ANTXRL: variants seen among roughly 807,000 people sequenced by gnomAD.
ANTXRL encodes the protein ANTXR like.
A neutral mutation model predicts 75.4 loss-of-function variants in ANTXRL; 63 were observed. The observed-to-expected ratio is 0.84, with a 90% CI of 0.68 to 1.03. ANTXRL has a LOEUF of 1.03. ANTXRL is among the 50% of genes least tolerant of loss of function. The pLI is 0.00. For synonymous variants in ANTXRL, 335 were observed against 291.3 expected (o/e 1.15, Z -1.53); for missense variants, 797 against 789.4 (o/e 1.01, Z -0.12).
chr10:46,326,637 G>A (rs1196405854), intron 16 of ANTXRL, among the ~76,000 whole-genome samples: 1 of 152,110 alleles, frequency 6.6e-6, no homozygotes, highest in Non-Finnish European at 1.5e-5. Flanking sequence ...TGGTGCCCAG[G>A]AGGAGTGAGG....
chr10:46,307,438 A>C lies in ANTXRL; in HGVS notation c.1002A>C (p.Lys334Asn). Residue 334 changes from lysine (K) to asparagine (N), a missense_variant, in exon 12 of 17, where the codon AAA becomes AAC. Physicochemically the swap from Lys to Asn is moderately conservative, Grantham distance 94. Around this residue, in one of 3 missense-constraint regions of ANTXRL, gnomAD observed 479 missense variants for 422.0 expected, o/e 1.14. Coordinates refer to ENST00000620264, the MANE Select transcript of ANTXRL (RefSeq NM_001278688.3). ...TTGAAGTCAGCTTGAACAAAGGCAA[A>C]ACATTCTTCAAGAGCAATGTCAGCA... ...YSIEVSLNKG[K>N]TFFKSNVSIT... 1.3e-6 allele frequency: 2 copies of C among 1,536,310 alleles called. No homozygotes were observed. The highest frequency in any genetic ancestry group is 1.7e-6 in the Non-Finnish European group (2 of 1,146,800).
rs185515438 is a variant in ANTXRL, at chr10:46,294,675, G to T, written c.392+775G>T. On this transcript the variant is annotated intron_variant, in intron 3 of 16. Coordinates refer to ENST00000620264, the MANE Select transcript of ANTXRL (RefSeq NM_001278688.3). ...TGTCCTGCGCTGTGGGTTTGTCAGA[G>T]AGACTGGGTGGGTGTGAGGTGGTAA... Among the ~76,000 whole-genome samples, 494 of 152,262 alleles carry T rather than the reference G, an allele frequency of 3.2e-3. 2 individuals are homozygous for T. The highest frequency in any genetic ancestry group is 0.011 in the African/African-American group (461 of 41,514).
intron 3 of ANTXRL, 198 bp downstream of exon 3, chr10:46,294,098 T>G (rs782511100): frequency 1.4e-5 from 8 of 577,416 alleles, no homozygotes; most frequent in Non-Finnish European, 1.8e-5. Flanking sequence ...CAAGGTTACC[T>G]GCAGGCCCCT....
Position 46,299,845 on chromosome 10 carries a change from C to T in ANTXRL, c.796+1783C>T, listed in dbSNP as rs1405913302. Reference sequence around the variant, plus strand: ...AGCTGGCAGGTCCCTGAAACAGGAGCTACGCTGACACTTCCATGATTGGTC... The same window carrying T: ...AGCTGGCAGGTCCCTGAAACAGGAGTTACGCTGACACTTCCATGATTGGTC... On this transcript the variant is annotated intron_variant, in intron 9 of 16. Transcript: ENST00000620264. Among the ~76,000 whole-genome samples, 5 of 152,174 alleles carry T rather than the reference C, an allele frequency of 3.3e-5. 1 individual carries two copies. The highest frequency in any genetic ancestry group is 4.8e-5 in the African/African-American group (2 of 41,430).
chr10:46,299,484 G>A lies in ANTXRL; in HGVS notation c.796+1422G>A, dbSNP rs148973420. Among the ~76,000 whole-genome samples the A allele has an allele frequency of 3.6e-3, 549 of 151,894 alleles. 8 individuals carry two copies. Among genetic ancestry groups the A allele is most frequent in the African/African-American group, 0.013 (524 of 41,378 alleles). ...GTGTAGGCTGGGGGTCTGCATGGCC[G>A]GCAGTTGCACAACTGCGGCTGCTGG... On this transcript the variant is annotated intron_variant, in intron 9 of 16. Transcript: ENST00000620264.
chr10:46,325,562 C>A (rs1839174032), intron 16 of ANTXRL, among the ~76,000 whole-genome samples: 1 of 152,122 alleles, frequency 6.6e-6, no homozygotes. Flanking sequence ...CTGCCAAGTT[C>A]AGGACGGAGC....
At chr10:46,324,119 A>G (rs1041039619) in intron 16 of ANTXRL, among the ~76,000 whole-genome samples, 4 of 152,162 alleles carry the variant, frequency 2.6e-5, no homozygotes, top group Non-Finnish European at 5.9e-5. Context: ...GAGTTGCTAT[A>G]GAAGGTAAAT....
Position 46,287,179 on chromosome 10 carries a change from G to A in ANTXRL, c.-84G>A. 6.8e-7 allele frequency: 1 copy of A among 1,472,888 alleles called. No individual in the cohort carries two copies. The highest frequency in any genetic ancestry group is 8.9e-7 in the Non-Finnish European group (1 of 1,117,644). The allele number at this position is 1,472,888 out of a possible 1,614,324, so 91.2% of individuals were successfully genotyped here. A position where few individuals can be genotyped will look rare whatever the true frequency, so the allele number is the denominator to read the frequency against. On this transcript the variant is annotated 5_prime_UTR_variant, in exon 1 of 17. Transcript: ENST00000620264. ...GTGGCCCCGGGCATAAGGGGAGGCG[G>A]CAAAGAAGGGGCCTGTGCTCAGCCT...
At chr10:46,322,232 G>A (rs190079798) in intron 16 of ANTXRL, among the ~76,000 whole-genome samples, 3 of 152,214 alleles carry the variant, frequency 2.0e-5, no homozygotes, top group African/African-American at 7.2e-5. Context: ...CCAAAAGGAA[G>A]GTGGATCACA....
At chr10:46,310,306 G>A (rs1254136852) in intron 13 of ANTXRL, among the ~76,000 whole-genome samples, 155 bp from the exon 14 acceptor site, 7 of 152,076 alleles carry the variant, frequency 4.6e-5, no homozygotes, top group Non-Finnish European at 7.4e-5. Flanking sequence ...GGAGCCTGCC[G>A]GGTACAAGTT....
intron 1 of ANTXRL, among the ~76,000 whole-genome samples, chr10:46,288,231 G>A (rs546833425): frequency 6.6e-6 from 1 of 152,222 alleles, no homozygotes; most frequent in South Asian, 2.1e-4. Flanking sequence ...CAGCAGTGGT[G>A]CAATCTTCAG....
intron 16 of ANTXRL, among the ~76,000 whole-genome samples, chr10:46,316,563 G>A (rs375179425): frequency 8.5e-5 from 13 of 152,162 alleles, no homozygotes; most frequent in African/African-American, 7.2e-5. Context: ...GTTTAGTGAT[G>A]GGCTCAACAT....
Position 46,305,228 on chromosome 10 carries a change from T to C in ANTXRL, c.896-1575T>C, listed in dbSNP as rs1838002674. Among the ~76,000 whole-genome samples, 3 of 152,238 alleles carry C rather than the reference T, an allele frequency of 2.0e-5. No individual in the cohort carries two copies. In the South Asian group the frequency reaches 6.2e-4, roughly 32 times the overall value. ...AGCCTGGAGGTGCAGTTCAGGGATCTCTGTCCTGCATCAGTCCCTGTAGGG... is the reference window on the plus strand; with the variant it reads ...AGCCTGGAGGTGCAGTTCAGGGATCCCTGTCCTGCATCAGTCCCTGTAGGG... On this transcript the variant is annotated intron_variant, in intron 10 of 16. Transcript: ENST00000620264.
At position 46,307,483 on chromosome 10, in the gene ANTXRL, G is replaced by A. The variant is rs1447013280; in HGVS notation, c.1044+3G>A. On this transcript the variant is annotated splice_donor_region_variant and intron_variant, in intron 12 of 16. Transcript: ENST00000620264. ...TCAGCATCACCAGCACCACATGTGTGAGTACCAGCATGGGGCTGCAAACAT... is the reference window on the plus strand; with the variant it reads ...TCAGCATCACCAGCACCACATGTGTAAGTACCAGCATGGGGCTGCAAACAT... 1 of 1,535,730 alleles carries A rather than the reference G, an allele frequency of 6.5e-7. No homozygotes were observed. Among genetic ancestry groups the A allele is most frequent in the Non-Finnish European group, 8.7e-7 (1 of 1,146,450 alleles).
chr10:46,302,334 G>A (rs1588823969), intron 9 of ANTXRL, among the ~76,000 whole-genome samples: 1 of 152,236 alleles, frequency 6.6e-6, no homozygotes, highest in South Asian at 2.1e-4. Flanking sequence ...TTATGGCTCC[G>A]CTTACACCTG....
chr10:46,296,086 G>A lies in ANTXRL; in HGVS notation c.460G>A (p.Ala154Thr). 1 of 1,535,934 alleles carries A rather than the reference G, an allele frequency of 6.5e-7. No individual in the cohort carries two copies. The highest frequency in any genetic ancestry group is 2.4e-5 in the East Asian group (1 of 40,912). The part of the protein sequence containing the change: ...IVPDGHTFMQ[A>T]GFRKAIQQIE... ...GCCTGACGGTCACACATTCATGCAG[G>A]CAGGATTTAGAAAGGTATAGACCCC... is the stretch of plus-strand genomic sequence containing the variant. The change falls in exon 4 of 17, where the codon GCA becomes ACA. Residue 154 changes from alanine (A) to threonine (T), a missense_variant. Physicochemically the swap from Ala to Thr is moderately conservative, Grantham distance 58. Transcript: ENST00000620264.
intron 16 of ANTXRL, among the ~76,000 whole-genome samples, chr10:46,327,702 G>C (rs782285997): frequency 5.3e-5 from 8 of 152,086 alleles, no homozygotes; most frequent in Non-Finnish European, 1.0e-4. Context: ...ATGCATGAAT[G>C]ACAGGTTCAA....
chr10:46,302,861 A>T, intron 10 of ANTXRL, 41 bp downstream of exon 10: 1 of 1,409,116 alleles, frequency 7.1e-7, no homozygotes. Context: ...CGTATTTCCC[A>T]CACAATGCTG....
rs879958278 is a variant in ANTXRL at position 46,287,227 on chromosome 10, C to A, written c.-36C>A. The stretch of plus-strand genomic sequence containing the variant: ...CCTCTCTGGGCCCTGGCACAGGCAC[C>A]CAAGAGTGAGGTGGGGTCACAGGGA... On this transcript the variant is annotated 5_prime_UTR_variant, in exon 1 of 17. Transcript: ENST00000620264. 9.8e-6 allele frequency: 15 copies of A among 1,531,196 alleles called. No individual in the cohort carries two copies. The highest frequency in any genetic ancestry group is 1.3e-5 in the Non-Finnish European group (15 of 1,144,794). The allele number at this position is 1,531,196 out of a possible 1,614,324, so 94.9% of individuals were successfully genotyped here.
Sources: allele counts gnomAD v4.1 joint callset (sites outside exome capture counted in the v4.1 genomes callset), GRCh38; gene constraint gnomAD v4.1.1; regional missense constraint gnomAD v4.1.1; transcripts MANE v1.5; gene names NCBI Gene and HGNC (gene_info 2026-07-23, HGNC 2026-07-21).